Variants in SLC4A10 observed in about 807,000 individuals in gnomAD.
SLC4A10 encodes the protein solute carrier family 4 member 10, also known as sodium-driven chloride bicarbonate exchanger.
In SLC4A10, 42 loss-of-function variants were observed where a neutral mutation model predicts 137.7. The observed-to-expected ratio is 0.30, with a 90% CI of 0.24 to 0.39. SLC4A10 has a LOEUF of 0.39. Among genes scored for constraint, SLC4A10 ranks in the 10% least tolerant of loss-of-function variants. The pLI, the probability that SLC4A10 is intolerant of heterozygous loss-of-function variation, is 1.00. For missense variants in SLC4A10, 925 were observed against 1,355.0 expected, an observed-to-expected ratio of 0.68 and a Z score of 4.98; for synonymous variants, 474 against 464.1, an observed-to-expected ratio of 1.02 and a Z score of -0.27.
Position 161,983,170 on chromosome 2 carries a change from C to G in SLC4A10, c.*27-9C>G, listed in dbSNP as rs1349169427. ...CAGTAATAAATGTGTCCTTTTTTTC[C>G]TTCTGTAGCATTGAAAGCCGAAAAG... On this transcript the variant is annotated splice_polypyrimidine_tract_variant and intron_variant, in intron 26 of 26. Coordinates refer to ENST00000446997, the MANE Select transcript of SLC4A10 (RefSeq NM_001178015.2). 1 of 1,534,082 alleles carries G rather than the reference C, an allele frequency of 6.5e-7. No individual in the cohort carries two copies. Among genetic ancestry groups the G allele is most frequent in the Non-Finnish European group, 8.7e-7 (1 of 1,146,292 alleles).
intron 1 of SLC4A10, among the ~76,000 whole-genome samples, chr2:161,675,812 T>G (rs2040218836): frequency 6.6e-6 from 1 of 152,228 alleles, no homozygotes; most frequent in African/African-American, 2.4e-5. Context: ...ATGAAAAACA[T>G]GCACAGCATA....
chr2:161,854,583 T>C (rs2059999286), intron 4 of SLC4A10, among the ~76,000 whole-genome samples: 1 of 152,142 alleles, frequency 6.6e-6, no homozygotes, highest in African/African-American at 2.4e-5. Flanking sequence ...GACCTCCCAC[T>C]AAGGAAAAAT....
intron 26 of SLC4A10, among the ~76,000 whole-genome samples, chr2:161,980,477 C>T (rs994277730): frequency 2.6e-5 from 4 of 152,108 alleles, no homozygotes; most frequent in Admixed American, 2.6e-4. Context: ...GGTGAAACCC[C>T]ATCTCTACTA....
chr2:161,931,342 C>T (rs1189138106), intron 15 of SLC4A10: 7 of 152,278 alleles, frequency 4.6e-5, no homozygotes, highest in Non-Finnish European at 1.0e-4. Context: ...ATGTTCGGAA[C>T]AAAATACCTA....
At chr2:161,971,393 T>G (rs1366305217) in intron 23 of SLC4A10, among the ~76,000 whole-genome samples, 1 of 152,210 alleles carries the variant, frequency 6.6e-6, no homozygotes, top group Admixed American at 6.5e-5. Flanking sequence ...ATCAGTGAAC[T>G]CTCTCAAAGG....
At chr2:161,752,131 ATTAG>A (rs1200933014) in intron 1 of SLC4A10, among the ~76,000 whole-genome samples, 2 of 152,022 alleles carry the variant, frequency 1.3e-5, no homozygotes, top group Non-Finnish European at 2.9e-5. Flanking sequence ...TTCAAGAAAT[ATTAG>A]TTAATTTCCA....
chr2:161,652,693 A>G (rs1247660917), intron 1 of SLC4A10, among the ~76,000 whole-genome samples: 2 of 152,144 alleles, frequency 1.3e-5, no homozygotes, highest in Non-Finnish European at 2.9e-5. Context: ...GCAGATGCCT[A>G]GAAATTTTTC....
At chr2:161,903,939 G>A in intron 12 of SLC4A10, 65 bp from the exon 13 acceptor site, 1 of 1,465,756 alleles carries the variant, frequency 6.8e-7, no homozygotes, top group African/African-American at 1.4e-5. Flanking sequence ...CAAAGCAAAT[G>A]AGCATTTTGA....
chr2:161,807,374 T>A (rs1435740760), intron 3 of SLC4A10, among the ~76,000 whole-genome samples: 1 of 152,190 alleles, frequency 6.6e-6, no homozygotes, highest in Non-Finnish European at 1.5e-5. Flanking sequence ...GTACATGACA[T>A]AACTGAGAAC....
intron 15 of SLC4A10, among the ~76,000 whole-genome samples, chr2:161,928,486 A>G (rs1000261422): frequency 1.9e-4 from 29 of 151,518 alleles, no homozygotes; most frequent in Admixed American, 1.4e-3. Context: ...ACTAACCTGC[A>G]CATTGTGTAC....
At chr2:161,764,354 A>T (rs2050575515) in intron 1 of SLC4A10, among the ~76,000 whole-genome samples, 1 of 152,142 alleles carries the variant, frequency 6.6e-6, no homozygotes, top group African/African-American at 2.4e-5. Flanking sequence ...TGGAAGGCTA[A>T]ATAAAAAATC....
intron 2 of SLC4A10, among the ~76,000 whole-genome samples, chr2:161,790,426 A>G (rs2054074476): frequency 6.6e-6 from 1 of 152,156 alleles, no homozygotes; most frequent in African/African-American, 2.4e-5. Flanking sequence ...TTCTGGTATT[A>G]TTAGTTGATT....
intron 1 of SLC4A10, among the ~76,000 whole-genome samples, chr2:161,680,594 G>C (rs761151990): frequency 6.6e-6 from 1 of 152,032 alleles, no homozygotes; most frequent in Admixed American, 6.6e-5. Flanking sequence ...GCTTGATATC[G>C]ATGGCACGAG....
At chr2:161,922,037 A>G (rs1688236320) in intron 15 of SLC4A10, among the ~76,000 whole-genome samples, 1 of 152,204 alleles carries the variant, frequency 6.6e-6, no homozygotes, top group Admixed American at 6.5e-5. Context: ...TGGAACTTAT[A>G]GTCTGTTGAA....
At chr2:161,948,372 C>T (rs745548320) in intron 17 of SLC4A10, among the ~76,000 whole-genome samples, 7 of 152,212 alleles carry the variant, frequency 4.6e-5, no homozygotes, top group South Asian at 2.1e-4. Flanking sequence ...CTGTTCCTTC[C>T]GAAGGGGGCT....
chr2:161,884,564 G>A (rs1239206786), intron 10 of SLC4A10, among the ~76,000 whole-genome samples: 1 of 152,128 alleles, frequency 6.6e-6, no homozygotes, highest in African/African-American at 2.4e-5. Flanking sequence ...TTGAGAATAA[G>A]CATCAATCAC....
chr2:161,670,344 G>T, intron 1 of SLC4A10, among the ~76,000 whole-genome samples: 1 of 142,220 alleles, frequency 7.0e-6, no homozygotes, highest in South Asian at 2.2e-4. Context: ...CATTTACTAT[G>T]CTCTAGGCAT....
At chr2:161,676,262 G>A (rs1271414376) in intron 1 of SLC4A10, among the ~76,000 whole-genome samples, 1 of 152,140 alleles carries the variant, frequency 6.6e-6, no homozygotes, top group Admixed American at 6.6e-5. Flanking sequence ...TTACAATATA[G>A]CATGGGATCA....
chr2:161,926,173 T>C (rs1418782159), intron 15 of SLC4A10, among the ~76,000 whole-genome samples: 1 of 151,714 alleles, frequency 6.6e-6, no homozygotes, highest in Non-Finnish European at 1.5e-5. Flanking sequence ...CCCATTATTA[T>C]TTTGTGGGAG....
Sources: gnomAD v4.1 joint callset for allele counts (sites outside exome capture counted in the v4.1 genomes callset) on GRCh38, gnomAD v4.1.1 for gene constraint, MANE v1.5 for transcripts, NCBI Gene and HGNC (gene_info 2026-07-23, HGNC 2026-07-21) for gene names.